The following ZDHHC14 variants were observed in gnomAD, a reference collection of about 807,000 sequenced individuals.
ZDHHC14 encodes zDHHC palmitoyltransferase 14, also known as palmitoyltransferase ZDHHC14.
In ZDHHC14, 16 loss-of-function variants were observed where a neutral mutation model predicts 47.7. The ratio of observed to expected loss-of-function variants is 0.34; its 90% CI spans 0.23 to 0.51. The LOEUF is 0.51. ZDHHC14 is among the 20% of genes least tolerant of loss of function. The pLI, the probability that ZDHHC14 is intolerant of heterozygous loss-of-function variation, is 0.97. For synonymous variants in ZDHHC14, 293 were observed against 278.9 expected, an observed-to-expected ratio of 1.05 and a Z score of -0.50; for missense variants, 515 against 662.5, an observed-to-expected ratio of 0.78 and a Z score of 2.44.
In ZDHHC14 at chr6:157,382,109, A is replaced by G; in HGVS notation, c.88A>G (p.Lys30Glu). Residue 30 changes from lysine to glutamate, a missense_variant, in exon 1 of 9, where the codon AAG becomes GAG. By Grantham distance (56) the Lys-to-Glu change is moderately conservative. Transcript: ENST00000359775. The part of the protein sequence containing the change: ...HSSSPMESPH[K>E]KKKIAARRKW... The stretch of plus-strand genomic sequence containing the variant: ...CTCCTCCCCCATGGAGTCGCCCCAC[A>G]AGAAGAAGAAAATCGCGGCCCGGAG... The G allele has an allele frequency of 1.2e-6, 2 of 1,612,780 alleles. No individual in the cohort carries two copies. Among genetic ancestry groups the G allele is most frequent in the Admixed American group, 3.3e-5 (2 of 59,864 alleles).
At chr6:157,628,692 C>T in intron 4 of ZDHHC14, 2 of 612,054 alleles carry the variant, frequency 3.3e-6, no homozygotes, top group Admixed American at 3.3e-5. Flanking sequence ...CCCCACTCCC[C>T]ACCCCATCTT....
At chr6:157,621,089 G>A (rs2114938548) in intron 3 of ZDHHC14, among the ~76,000 whole-genome samples, 1 of 152,310 alleles carries the variant, frequency 6.6e-6, no homozygotes, top group African/African-American at 2.4e-5. Context: ...ATCGGACACA[G>A]TAGCAAAGCT....
At chr6:157,422,984 C>T (rs1156420986) in intron 1 of ZDHHC14, among the ~76,000 whole-genome samples, 4 of 152,184 alleles carry the variant, frequency 2.6e-5, no homozygotes, top group Non-Finnish European at 5.9e-5. Context: ...AGTTCATTTA[C>T]TCTTTCTCAT....
intron 1 of ZDHHC14, among the ~76,000 whole-genome samples, chr6:157,404,527 C>A (rs1777705158): frequency 6.6e-6 from 1 of 152,174 alleles, no homozygotes; most frequent in Non-Finnish European, 1.5e-5. Flanking sequence ...TAAGACTCCC[C>A]AGTGGTGACA....
rs1279759312 is a variant in ZDHHC14 at position 157,381,550 on chromosome 6, G to A, written c.-472G>A. On this transcript the variant is annotated 5_prime_UTR_variant, in exon 1 of 9. Coordinates refer to ENST00000359775, the MANE Select transcript of ZDHHC14 (RefSeq NM_024630.3). ...GAAGGAGTGGACCCAACCTGGCCGC[G>A]CCGCAGAAGTGGCTCCCGAGGAAGC... is the stretch of plus-strand genomic sequence containing the variant. 1 of 403,966 alleles carries A rather than the reference G, an allele frequency of 2.5e-6. No homozygotes were observed. Among genetic ancestry groups the A allele is most frequent in the South Asian group, 1.7e-5 (1 of 59,892 alleles). 25.0% of individuals were successfully genotyped at this position (403,966 alleles called of 1,614,324 possible). A position where few individuals can be genotyped will look rare whatever the true frequency, so the allele number is the denominator to read the frequency against.
intron 2 of ZDHHC14, among the ~76,000 whole-genome samples, chr6:157,577,292 C>CT (rs1442106629): frequency 2.6e-5 from 4 of 152,162 alleles, no homozygotes; most frequent in Non-Finnish European, 5.9e-5. Context: ...AATTCCATGC[C>CT]TTTGCTATTG....
At chr6:157,530,682 CA>C (rs1781330342) in intron 1 of ZDHHC14, among the ~76,000 whole-genome samples, 2 of 152,104 alleles carry the variant, frequency 1.3e-5, no homozygotes, top group Non-Finnish European at 2.9e-5. Flanking sequence ...CTTTTCTACT[CA>C]AAAGCACCTT....
At chr6:157,459,807 G>T (rs1160696301) in intron 1 of ZDHHC14, among the ~76,000 whole-genome samples, 1 of 152,130 alleles carries the variant, frequency 6.6e-6, no homozygotes, top group Non-Finnish European at 1.5e-5. Context: ...AGGCATGGTG[G>T]CTCACACCTG....
chr6:157,520,396 C>T (rs1306939697), intron 1 of ZDHHC14, among the ~76,000 whole-genome samples: 5 of 152,168 alleles, frequency 3.3e-5, no homozygotes, highest in African/African-American at 1.2e-4. Flanking sequence ...TCCTGACTAT[C>T]TCATATTATT....
At chr6:157,584,554 G>A (rs1053621894) in intron 2 of ZDHHC14, among the ~76,000 whole-genome samples, 8 of 152,184 alleles carry the variant, frequency 5.3e-5, no homozygotes, top group Non-Finnish European at 1.2e-4. Flanking sequence ...GGATCTATCA[G>A]GATGGAAGTG....
intron 1 of ZDHHC14, among the ~76,000 whole-genome samples, chr6:157,455,814 A>T (rs1340949165): frequency 2.6e-5 from 4 of 152,210 alleles, no homozygotes; most frequent in African/African-American, 9.6e-5. Context: ...CTCTCAGATA[A>T]AGCAGTTAGT....
At chr6:157,467,773 AT>A (rs368309981) in intron 1 of ZDHHC14, among the ~76,000 whole-genome samples, 13 of 152,000 alleles carry the variant, frequency 8.6e-5, no homozygotes, top group African/African-American at 3.1e-4. Flanking sequence ...TGATCTGGAA[AT>A]CCTGACCTCA....
intron 1 of ZDHHC14, among the ~76,000 whole-genome samples, chr6:157,429,406 T>G (rs1778290908): frequency 6.6e-6 from 1 of 152,198 alleles, no homozygotes. Context: ...TGGTTAATGG[T>G]CCAAAAACTT....
rs142251896 is a variant in ZDHHC14 at position 157,534,026 on chromosome 6, G to A, written c.246-8559G>A. On this transcript the variant is annotated intron_variant, in intron 1 of 8. Coordinates refer to ENST00000359775, the MANE Select transcript of ZDHHC14 (RefSeq NM_024630.3). Reference sequence around the variant, plus strand: ...TTAATGATACATCTTAAAATGTGGGGTACCTTAGATTGGATGAAACAAGAA... The same window carrying A: ...TTAATGATACATCTTAAAATGTGGGATACCTTAGATTGGATGAAACAAGAA... 6.0e-4 allele frequency among the ~76,000 whole-genome samples: 92 copies of A among 152,248 alleles called. 1 individual carries two copies. In the East Asian group the frequency reaches 0.017, roughly 28 times the overall value.
At chr6:157,483,924 A>T (rs1779692875) in intron 1 of ZDHHC14, among the ~76,000 whole-genome samples, 1 of 152,322 alleles carries the variant, frequency 6.6e-6, no homozygotes. Context: ...GACTAGATAA[A>T]GAAAATGTAG....
At chr6:157,556,178 T>C (rs1782452358) in intron 2 of ZDHHC14, among the ~76,000 whole-genome samples, 1 of 150,440 alleles carries the variant, frequency 6.6e-6, no homozygotes, top group African/African-American at 2.4e-5. Context: ...ATTTGGTTCG[T>C]GTTGTGGTGG....
chr6:157,675,507 A>C lies in ZDHHC14; in HGVS notation c.*2385A>C, dbSNP rs1778955722. ...AAGTGAATCAAGGCTATTCAGGGTC[A>C]AGAGAGAGATTAACTTGAATGGGCC... is the stretch of plus-strand genomic sequence containing the variant. On this transcript the variant is annotated 3_prime_UTR_variant, in exon 9 of 9. Transcript: ENST00000359775. 6.6e-6 allele frequency: 1 copy of C among 152,262 alleles called. No individual in the cohort carries two copies. The highest frequency in any genetic ancestry group is 6.5e-5 in the Admixed American group (1 of 15,290). The allele number at this position is 152,262 out of a possible 1,614,324, so 9.4% of individuals were successfully genotyped here. A position where few individuals can be genotyped will look rare whatever the true frequency, so the allele number is the denominator to read the frequency against.
chr6:157,384,323 T>G (rs1400786583), intron 1 of ZDHHC14, among the ~76,000 whole-genome samples: 3 of 152,240 alleles, frequency 2.0e-5, no homozygotes, highest in African/African-American at 7.2e-5. Flanking sequence ...AAACATAGCT[T>G]CTAACCAAAC....
chr6:157,643,730 A>G (rs1178100846), intron 5 of ZDHHC14, among the ~76,000 whole-genome samples: 1 of 144,052 alleles, frequency 6.9e-6, no homozygotes, highest in Non-Finnish European at 1.5e-5. Context: ...TCCGCTGGCT[A>G]TGATGCCTCC....
Sources: allele counts gnomAD v4.1 joint callset (sites outside exome capture counted in the v4.1 genomes callset), GRCh38; gene constraint gnomAD v4.1.1; transcripts MANE v1.5; gene names NCBI Gene and HGNC (gene_info 2026-07-23, HGNC 2026-07-21).